The following NPAS3 variants were observed in gnomAD, a reference collection of about 807,000 sequenced individuals.
NPAS3 encodes the protein neuronal PAS domain protein 3.
In NPAS3, 14 loss-of-function variants were observed where a neutral mutation model predicts 73.1. That is an observed-to-expected ratio of 0.19 (90% CI 0.13 to 0.30). NPAS3 has a LOEUF of 0.30. Ranked by LOEUF, NPAS3 falls within the 10% of genes least tolerant of loss-of-function variation. The pLI, the probability that NPAS3 is intolerant of heterozygous loss-of-function variation, is 1.00. For synonymous variants in NPAS3, 620 were observed against 541.5 expected, an observed-to-expected ratio of 1.14 and a Z score of -2.01; for missense variants, 1,096 against 1,250.0, an observed-to-expected ratio of 0.88 and a Z score of 1.86.
In NPAS3 at chr14:33,706,515, T is replaced by C. The variant is rs560409300; in HGVS notation, c.734-28699T>C. Among the ~76,000 whole-genome samples, 4 of 152,272 alleles carry C rather than the reference T, an allele frequency of 2.6e-5. No individual in the cohort carries two copies. The South Asian group carries it at 8.3e-4, about 32-fold the overall frequency. ...GGCTGTTTCTCATGATCCAGGAAGA[T>C]AGAAACGTCTGACAAAATGGACACT... On this transcript the variant is annotated intron_variant, in intron 6 of 11. Coordinates refer to ENST00000356141, the Ensembl canonical transcript of NPAS3.
chr14:33,564,983 C>T (rs1460985630), intron 5 of NPAS3, among the ~76,000 whole-genome samples: 1 of 152,156 alleles, frequency 6.6e-6, no homozygotes, highest in African/African-American at 2.4e-5. Flanking sequence ...GAGTCACTTC[C>T]CTTTTTCTCA....
At chr14:33,501,834 T>C (rs2052533385) in intron 4 of NPAS3, among the ~76,000 whole-genome samples, 1 of 151,916 alleles carries the variant, frequency 6.6e-6, no homozygotes, top group Admixed American at 6.6e-5. Context: ...ATGTGCTAGG[T>C]GTCACAGTCT....
intron 1 of NPAS3, among the ~76,000 whole-genome samples, chr14:32,958,331 A>G (rs1380192694): frequency 6.6e-6 from 1 of 152,178 alleles, no homozygotes; most frequent in South Asian, 2.1e-4. Flanking sequence ...GCTTCCTTGT[A>G]TACCTCCAAA....
At chr14:33,310,304 A>G (rs1402099479) in intron 3 of NPAS3, among the ~76,000 whole-genome samples, 1 of 72,460 alleles carries the variant, frequency 1.4e-5, no homozygotes, top group East Asian at 4.0e-4. Flanking sequence ...ATAGCATCTG[A>G]AAAAAAAAAA....
rs138827924 is a variant in NPAS3, at chr14:33,158,180, G to A, written c.141-57002G>A. 6.9e-3 allele frequency among the ~76,000 whole-genome samples: 1,057 copies of A among 152,272 alleles called. 7 individuals carry two copies. Among genetic ancestry groups the A allele is most frequent in the Non-Finnish European group, 0.011 (776 of 68,026 alleles). On this transcript the variant is annotated intron_variant, in intron 2 of 11. Coordinates refer to ENST00000356141, the Ensembl canonical transcript of NPAS3. ...TTAGAAAGCACCAGCGGATTGTACCGCGAACTGTGGTTGATCTTTGTTAAC... is the reference window on the plus strand; with the variant it reads ...TTAGAAAGCACCAGCGGATTGTACCACGAACTGTGGTTGATCTTTGTTAAC...
At chr14:33,465,975 G>T (rs1436088157) in intron 4 of NPAS3, among the ~76,000 whole-genome samples, 1 of 152,136 alleles carries the variant, frequency 6.6e-6, no homozygotes, top group African/African-American at 2.4e-5. Flanking sequence ...CTGGGTAGTT[G>T]AGCATCGAGC....
At chr14:33,306,198 C>T (rs2042747208) in intron 3 of NPAS3, among the ~76,000 whole-genome samples, 1 of 133,786 alleles carries the variant, frequency 7.5e-6, no homozygotes, top group Non-Finnish European at 1.7e-5. Context: ...ACAAAAACTC[C>T]AGGTTATTTT....
chr14:33,233,210 C>A (rs1056832239), intron 3 of NPAS3, among the ~76,000 whole-genome samples: 7 of 152,120 alleles, frequency 4.6e-5, no homozygotes, highest in Non-Finnish European at 1.0e-4. Context: ...AAATGCTAAA[C>A]AGTCACATAG....
intron 3 of NPAS3, among the ~76,000 whole-genome samples, chr14:33,235,731 C>A (rs1187289314): frequency 6.7e-6 from 1 of 150,252 alleles, no homozygotes; most frequent in Admixed American, 6.7e-5. Flanking sequence ...CTCTCAGAGA[C>A]ACAGAACCAA....
chr14:33,334,559 G>C (rs1341166457), intron 3 of NPAS3, among the ~76,000 whole-genome samples: 2 of 152,160 alleles, frequency 1.3e-5, no homozygotes. Context: ...ATGTCTGCAT[G>C]TTGGGGGTCT....
chr14:33,717,972 T>A (rs943549497), intron 6 of NPAS3, among the ~76,000 whole-genome samples: 4 of 151,278 alleles, frequency 2.6e-5, no homozygotes, highest in Non-Finnish European at 4.4e-5. Context: ...ATGGTTGCAA[T>A]TTTTGGAATA....
chr14:33,072,313 G>A (rs187690800), intron 2 of NPAS3, among the ~76,000 whole-genome samples: 46 of 152,266 alleles, frequency 3.0e-4, no homozygotes, highest in Admixed American at 3.9e-4. Flanking sequence ...GGAAAAGGAC[G>A]TGATTTAAAA....
chr14:33,030,841 G>A (rs775163666), intron 1 of NPAS3, among the ~76,000 whole-genome samples: 1 of 152,082 alleles, frequency 6.6e-6, no homozygotes, highest in Admixed American at 6.6e-5. Flanking sequence ...AATAACCTAC[G>A]TATGCACTAG....
chr14:33,046,550 A>G (rs1325482942), intron 1 of NPAS3, among the ~76,000 whole-genome samples: 1 of 152,216 alleles, frequency 6.6e-6, no homozygotes, highest in Non-Finnish European at 1.5e-5. Context: ...GTAGGAGACA[A>G]GTGCAGAAGG....
intron 7 of NPAS3, among the ~76,000 whole-genome samples, chr14:33,766,473 C>T (rs1428358429): frequency 6.6e-6 from 1 of 152,176 alleles, no homozygotes; most frequent in Non-Finnish European, 1.5e-5. Flanking sequence ...TGCCACAGGA[C>T]TGGTTTCTAC....
intron 4 of NPAS3, among the ~76,000 whole-genome samples, chr14:33,526,850 A>G (rs1237166672): frequency 2.6e-5 from 4 of 152,106 alleles, no homozygotes; most frequent in Non-Finnish European, 5.9e-5. Context: ...CCAGCCCTTC[A>G]GACCTCACTG....
intron 2 of NPAS3, among the ~76,000 whole-genome samples, chr14:33,205,164 A>C (rs960866465): frequency 6.6e-6 from 1 of 152,168 alleles, no homozygotes; most frequent in Non-Finnish European, 1.5e-5. Context: ...GATATATATT[A>C]TCTCTATATC....
At chr14:33,339,186 GTTA>G (rs1191889065) in intron 3 of NPAS3, among the ~76,000 whole-genome samples, 1 of 152,154 alleles carries the variant, frequency 6.6e-6, no homozygotes, top group African/African-American at 2.4e-5. Context: ...TACGCTAAAT[GTTA>G]TTATAATAAT....
chr14:33,689,147 ACT>A (rs1395038975), intron 6 of NPAS3, among the ~76,000 whole-genome samples: 1 of 152,060 alleles, frequency 6.6e-6, no homozygotes. Context: ...TCACCTCCTG[ACT>A]CTGTCACTTA....
Sources: allele counts gnomAD v4.1 joint callset (sites outside exome capture counted in the v4.1 genomes callset), GRCh38; gene constraint gnomAD v4.1.1; transcripts MANE v1.5; gene names NCBI Gene and HGNC (gene_info 2026-07-23, HGNC 2026-07-21).